SLC24A2: variants seen among roughly 807,000 people sequenced by gnomAD.
The protein encoded by SLC24A2 is sodium/potassium/calcium exchanger 2.
Under a neutral mutation model 62.0 loss-of-function variants are expected in SLC24A2, and 36 were observed. The observed-to-expected ratio is 0.58, with a 90% CI of 0.44 to 0.77. The LOEUF (loss-of-function observed/expected upper bound fraction) is 0.77. Among genes scored for constraint, SLC24A2 ranks in the 30% least tolerant of loss-of-function variants. The pLI is 0.00. For missense variants in SLC24A2, 846 were observed against 817.9 expected (o/e 1.03, Z -0.42); for synonymous variants, 358 against 294.0 (o/e 1.22, Z -2.23).
the SLC24A2 span, among the ~76,000 whole-genome samples, chr9:20,083,291 C>G: frequency 6.6e-6 from 1 of 152,224 alleles, no homozygotes; most frequent in Non-Finnish European, 1.5e-5. Context: ...GCCTGCATCT[C>G]CAGTTCCACC....
the SLC24A2 span, among the ~76,000 whole-genome samples, chr9:20,072,476 A>G: frequency 6.6e-6 from 1 of 152,196 alleles, no homozygotes; most frequent in Non-Finnish European, 1.5e-5. Flanking sequence ...CTTATCTAGG[A>G]ACTATGGACA....
At chr9:19,913,163 C>A in the SLC24A2 span, among the ~76,000 whole-genome samples, 1 of 152,010 alleles carries the variant, frequency 6.6e-6, no homozygotes, top group East Asian at 1.9e-4. Flanking sequence ...AGAATTCAAC[C>A]ACTATCTATT....
At chr9:19,615,046 G>A (rs1462826650) in intron 4 of SLC24A2, among the ~76,000 whole-genome samples, 4 of 152,072 alleles carry the variant, frequency 2.6e-5, no homozygotes, top group Non-Finnish European at 5.9e-5. Flanking sequence ...ATAATAAAAC[G>A]CAAACACTGC....
chr9:19,753,360 C>T (rs75726566), intron 2 of SLC24A2, among the ~76,000 whole-genome samples: 2,830 of 152,334 alleles, frequency 0.019, 39 homozygotes, highest in South Asian at 0.027. Context: ...AGAATAGAGA[C>T]AGCTCTTGTT....
chr9:19,690,678 T>A (rs1234445275), intron 2 of SLC24A2, among the ~76,000 whole-genome samples: 2 of 152,140 alleles, frequency 1.3e-5, no homozygotes, highest in Non-Finnish European at 2.9e-5. Flanking sequence ...GACAATTCAG[T>A]TTCATAAACT....
intron 10 of SLC24A2, among the ~76,000 whole-genome samples, chr9:19,518,287 G>A (rs1050828656): frequency 5.3e-5 from 8 of 151,978 alleles, no homozygotes; most frequent in Admixed American, 3.3e-4. Context: ...ATAATTCTAA[G>A]CTAAAGATGA....
intron 2 of SLC24A2, among the ~76,000 whole-genome samples, chr9:19,679,446 G>C (rs1341566624): frequency 1.3e-5 from 2 of 152,144 alleles, no homozygotes; most frequent in Non-Finnish European, 2.9e-5. Flanking sequence ...TTAAGTTTCT[G>C]TGTCAACTTG....
chr9:19,992,048 G>A, the SLC24A2 span, among the ~76,000 whole-genome samples: 1 of 152,198 alleles, frequency 6.6e-6, no homozygotes, highest in African/African-American at 2.4e-5. Context: ...GGGGCAGCAT[G>A]TCTTATTCTG....
the SLC24A2 span, among the ~76,000 whole-genome samples, chr9:20,269,366 T>A: frequency 6.6e-6 from 1 of 152,198 alleles, no homozygotes; most frequent in East Asian, 1.9e-4. Context: ...TACTATACCA[T>A]GGGTTTGAAT....
At chr9:19,834,138 G>A in the SLC24A2 span, among the ~76,000 whole-genome samples, 1 of 152,106 alleles carries the variant, frequency 6.6e-6, no homozygotes, top group Non-Finnish European at 1.5e-5. Context: ...AAACAGAGCA[G>A]AAAAACTGGA....
At chr9:20,210,346 G>A in the SLC24A2 span, among the ~76,000 whole-genome samples, 2 of 152,082 alleles carry the variant, frequency 1.3e-5, no homozygotes. Flanking sequence ...GTAAGCAAAT[G>A]GCTCTTAAAT....
intron 2 of SLC24A2, among the ~76,000 whole-genome samples, chr9:19,673,170 T>A (rs1305570877): frequency 5.5e-5 from 8 of 146,516 alleles, no homozygotes; most frequent in Non-Finnish European, 1.2e-4. Context: ...TTGCCATGTA[T>A]CTCATTTCTT....
At chr9:20,303,261 C>T in the SLC24A2 span, among the ~76,000 whole-genome samples, 1 of 152,132 alleles carries the variant, frequency 6.6e-6, no homozygotes, top group South Asian at 2.1e-4. Context: ...ACAGGGGCCT[C>T]CAAAGGGTAC....
the SLC24A2 span, among the ~76,000 whole-genome samples, chr9:20,229,673 G>A: frequency 1.3e-5 from 2 of 151,628 alleles, no homozygotes; most frequent in East Asian, 1.9e-4. Flanking sequence ...TTGCATCAAA[G>A]CATTTATCAC....
At chr9:19,855,469 T>A in the SLC24A2 span, among the ~76,000 whole-genome samples, 1 of 152,228 alleles carries the variant, frequency 6.6e-6, no homozygotes, top group Non-Finnish European at 1.5e-5. Context: ...CAGGAGCTCT[T>A]GCAAGGCAGG....
chr9:19,799,150 T>A, the SLC24A2 span, among the ~76,000 whole-genome samples: 1 of 152,160 alleles, frequency 6.6e-6, no homozygotes, highest in Non-Finnish European at 1.5e-5. Context: ...TATATTCAAT[T>A]TCTTTTTTCA....
chr9:20,135,933 C>T, the SLC24A2 span, among the ~76,000 whole-genome samples: 3 of 152,050 alleles, frequency 2.0e-5, no homozygotes, highest in African/African-American at 7.2e-5. Context: ...TTCAGCAGCA[C>T]GACTTAGCCA....
intron 2 of SLC24A2, among the ~76,000 whole-genome samples, chr9:19,764,072 T>A (rs568377919): frequency 6.6e-6 from 1 of 152,206 alleles, no homozygotes; most frequent in South Asian, 2.1e-4. Context: ...TTTATCCATG[T>A]CTTCTAGATT....
the SLC24A2 span, among the ~76,000 whole-genome samples, chr9:20,061,734 T>C: frequency 3.4e-3 from 521 of 152,190 alleles, 1 homozygote; most frequent in African/African-American, 0.011. Context: ...ATAAAACATT[T>C]GGAAGAAAAT....
Sources: allele counts gnomAD v4.1 joint callset (sites outside exome capture counted in the v4.1 genomes callset), GRCh38; gene constraint gnomAD v4.1.1; transcripts MANE v1.5; gene names NCBI Gene and HGNC (gene_info 2026-07-23, HGNC 2026-07-21).